Variants in CACNB2 observed in about 807,000 individuals in gnomAD.
CACNB2 encodes calcium voltage-gated channel auxiliary subunit beta 2.
A neutral mutation model predicts 73.3 loss-of-function variants in CACNB2; 42 were observed. The ratio of observed to expected loss-of-function variants is 0.57; its 90% CI spans 0.45 to 0.74. The LOEUF is 0.74. Among genes scored for constraint, CACNB2 ranks in the 30% least tolerant of loss-of-function variants. CACNB2 has a pLI of 0.00. For missense variants in CACNB2, 940 were observed against 853.0 expected, an observed-to-expected ratio of 1.10 and a Z score of -1.27; for synonymous variants, 348 against 310.3, an observed-to-expected ratio of 1.12 and a Z score of -1.28.
At chr10:18,470,959 T>TTATG (rs1383797770) in intron 3 of CACNB2, among the ~76,000 whole-genome samples, 1 of 152,130 alleles carries the variant, frequency 6.6e-6, no homozygotes, top group Admixed American at 6.5e-5. Flanking sequence ...AGTGTTAATT[T>TTATG]TATGGTAGAT....
At chr10:18,460,276 C>G (rs977717448) in intron 3 of CACNB2, among the ~76,000 whole-genome samples, 11 of 151,992 alleles carry the variant, frequency 7.2e-5, no homozygotes, top group African/African-American at 2.4e-4. Context: ...GGATTATCTT[C>G]TAGCCCAATG....
chr10:18,151,967 G>A (rs1588555595), intron 2 of CACNB2, among the ~76,000 whole-genome samples: 1 of 152,114 alleles, frequency 6.6e-6, no homozygotes, highest in East Asian at 1.9e-4. Context: ...TGTGTGGCAG[G>A]ACTGTTTCCT....
At chr10:18,211,308 T>C (rs879512122) in intron 2 of CACNB2, among the ~76,000 whole-genome samples, 1 of 152,192 alleles carries the variant, frequency 6.6e-6, no homozygotes, top group Non-Finnish European at 1.5e-5. Flanking sequence ...TCTAGGAAAC[T>C]AGTCTTTGAA....
At chr10:18,344,828 G>A (rs778100002) in intron 2 of CACNB2, among the ~76,000 whole-genome samples, 31 of 152,144 alleles carry the variant, frequency 2.0e-4, no homozygotes, top group Non-Finnish European at 3.8e-4. Flanking sequence ...GTGGGTGTAG[G>A]AATACCCCAC....
intron 2 of CACNB2, among the ~76,000 whole-genome samples, chr10:18,282,316 T>C (rs1383673448): frequency 6.6e-6 from 1 of 152,148 alleles, no homozygotes; most frequent in African/African-American, 2.4e-5. Context: ...CAGAGGTGGA[T>C]TGACAGAATG....
intron 3 of CACNB2, among the ~76,000 whole-genome samples, chr10:18,490,877 T>G (rs1472062251): frequency 6.6e-6 from 1 of 150,862 alleles, no homozygotes; most frequent in Non-Finnish European, 1.5e-5. Flanking sequence ...AGTTAAAGGG[T>G]GGCAGGAAAA....
intron 2 of CACNB2, among the ~76,000 whole-genome samples, chr10:18,241,403 G>C (rs1476677017): frequency 2.0e-5 from 3 of 152,162 alleles, no homozygotes. Flanking sequence ...GTGACCTACA[G>C]GGAGGGAACA....
chr10:18,454,482 C>G (rs1317244440), intron 3 of CACNB2, among the ~76,000 whole-genome samples: 3 of 152,020 alleles, frequency 2.0e-5, no homozygotes, highest in Non-Finnish European at 2.9e-5. Context: ...TGTATCTCTA[C>G]TTTATACTCA....
At chr10:18,243,663 C>G (rs939740467) in intron 2 of CACNB2, among the ~76,000 whole-genome samples, 1 of 152,112 alleles carries the variant, frequency 6.6e-6, no homozygotes, top group African/African-American at 2.4e-5. Flanking sequence ...TTAGTTCCTG[C>G]AAGAGCAGGA....
chr10:18,289,552 T>C (rs560936390), intron 2 of CACNB2, among the ~76,000 whole-genome samples: 6 of 152,058 alleles, frequency 3.9e-5, no homozygotes, highest in Non-Finnish European at 8.8e-5. Context: ...TCTCAGCCTC[T>C]CAAAGTGCTG....
At chr10:18,398,113 G>A (rs368540061) in intron 2 of CACNB2, among the ~76,000 whole-genome samples, 3 of 152,264 alleles carry the variant, frequency 2.0e-5, no homozygotes, top group East Asian at 3.9e-4. Flanking sequence ...CTTGAGGCAC[G>A]ATGACCCAGA....
At chr10:18,164,813 T>A (rs991080149) in intron 2 of CACNB2, among the ~76,000 whole-genome samples, 1 of 152,148 alleles carries the variant, frequency 6.6e-6, no homozygotes, top group Non-Finnish European at 1.5e-5. Context: ...CTGACCGTTT[T>A]GTGTGCGTGT....
intron 2 of CACNB2, among the ~76,000 whole-genome samples, chr10:18,155,092 A>G (rs1001709337): frequency 2.0e-5 from 3 of 152,182 alleles, no homozygotes; most frequent in Admixed American, 2.0e-4. Context: ...AAGTGCACAA[A>G]TCATGTGTTC....
chr10:18,200,491 A>G (rs1339532732), intron 2 of CACNB2, among the ~76,000 whole-genome samples: 1 of 151,850 alleles, frequency 6.6e-6, no homozygotes, highest in Admixed American at 6.6e-5. Context: ...CATAAATATA[A>G]ATAATAAATT....
intron 3 of CACNB2, among the ~76,000 whole-genome samples, chr10:18,464,277 A>G (rs2047742207): frequency 3.3e-5 from 5 of 151,244 alleles, no homozygotes; most frequent in Admixed American, 3.3e-4. Flanking sequence ...TTCATTAGCC[A>G]GGTGTGGTGG....
At position 18,525,149 on chromosome 10, in the gene CACNB2, G is replaced by C. The variant is rs191860474; in HGVS notation, c.945-2439G>C. Among the ~76,000 whole-genome samples, 434 of 151,956 alleles carry C rather than the reference G, an allele frequency of 2.9e-3. 2 individuals carry two copies. Among genetic ancestry groups the C allele is most frequent in the Middle Eastern group, 0.014 (4 of 292 alleles). ...TTAATTTGTCTATTTGAATCCCTCT[G>C]GGACATTCTAGCCTGTTGCAGTGTA... On this transcript the variant is annotated intron_variant, in intron 9 of 13. Transcript: ENST00000324631.
rs943032313 is a variant in CACNB2, at chr10:18,330,919, G to A, written c.214-71005G>A. ...CCTGGCCTCATAATCTGCCCACCTC[G>A]GCCTCCCAATGTGCTGGGATTACAG... On this transcript the variant is annotated intron_variant, in intron 2 of 13. Transcript: ENST00000324631. Among the ~76,000 whole-genome samples the A allele has an allele frequency of 3.3e-5, 5 of 151,604 alleles. No homozygotes were observed. In the South Asian group the frequency reaches 8.3e-4, roughly 25 times the overall value.
chr10:18,493,289 C>T (rs936709934), intron 3 of CACNB2, among the ~76,000 whole-genome samples: 7 of 152,172 alleles, frequency 4.6e-5, no homozygotes, highest in Non-Finnish European at 8.8e-5. Flanking sequence ...CTGCCTCAGC[C>T]TCCTGAGTAG....
chr10:18,259,567 A>AT (rs923024868), intron 2 of CACNB2, among the ~76,000 whole-genome samples: 1 of 140,332 alleles, frequency 7.1e-6, no homozygotes, highest in African/African-American at 2.6e-5. Flanking sequence ...AAACAAACAA[A>AT]AAAAAAAAGT....
Sources: allele counts gnomAD v4.1 joint callset (sites outside exome capture counted in the v4.1 genomes callset), GRCh38; gene constraint gnomAD v4.1.1; transcripts MANE v1.5; gene names NCBI Gene and HGNC (gene_info 2026-07-23, HGNC 2026-07-21).